Variants in RASSF9 observed in about 807,000 individuals in gnomAD.
RASSF9 encodes ras association domain-containing protein 9.
A neutral mutation model predicts 21.4 loss-of-function variants in RASSF9; 18 were observed. The ratio of observed to expected loss-of-function variants is 0.84; its 90% CI spans 0.58 to 1.25. The LOEUF is 1.25. Among genes scored for constraint, RASSF9 ranks in the 50% most tolerant of loss-of-function variants. The probability of loss-of-function intolerance (pLI) is 0.00; values close to 1 mark genes in which losing one functional copy is unlikely to be tolerated. For missense variants in RASSF9, 480 were observed against 503.2 expected (o/e 0.95, Z 0.44); for synonymous variants, 183 against 179.1 (o/e 1.02, Z -0.18).
chr12:85,814,459 G>A (rs1163787100), intron 1 of RASSF9, among the ~76,000 whole-genome samples: 8 of 151,990 alleles, frequency 5.3e-5, no homozygotes, highest in African/African-American at 1.9e-4. Context: ...TAGTGGCACT[G>A]CTGAAAAGCC....
chr12:85,817,860 C>T (rs1263120273), intron 1 of RASSF9, among the ~76,000 whole-genome samples: 1 of 152,028 alleles, frequency 6.6e-6, no homozygotes, highest in East Asian at 1.9e-4. Context: ...TACAAATGTA[C>T]TATACAATTT....
chr12:85,818,961 A>G (rs982599076), intron 1 of RASSF9, among the ~76,000 whole-genome samples: 1 of 147,692 alleles, frequency 6.8e-6, no homozygotes, highest in Non-Finnish European at 1.5e-5. Flanking sequence ...TCCGTCAAAA[A>G]AAAAAAAAAA....
chr12:85,808,315 G>A (rs985758722), intron 1 of RASSF9, among the ~76,000 whole-genome samples: 6 of 152,058 alleles, frequency 3.9e-5, no homozygotes, highest in Non-Finnish European at 7.4e-5. Flanking sequence ...TATTCACATG[G>A]AGGAAGTAAA....
At chr12:85,821,770 CTA>C (rs1294073160) in intron 1 of RASSF9, among the ~76,000 whole-genome samples, 10 of 151,978 alleles carry the variant, frequency 6.6e-5, no homozygotes, top group Non-Finnish European at 1.0e-4. Flanking sequence ...AAGAAAAACC[CTA>C]GACATTCCAT....
rs73381581 is a variant in RASSF9, at chr12:85,804,501, T to C, written c.*201A>G. 3.0e-5 allele frequency: 15 copies of C among 505,698 alleles called. No individual in the cohort carries two copies. Among genetic ancestry groups the C allele is most frequent in the Non-Finnish European group, 4.4e-5 (13 of 296,522 alleles). 31.3% of individuals were successfully genotyped at this position (505,698 alleles called of 1,614,324 possible). ...CTATTTGTGCTGCATTCGTGATAAA[T>C]AGTTCATTGCTTGAACTTGCAATAA... On this transcript the variant is annotated 3_prime_UTR_variant, in exon 2 of 2. Coordinates refer to ENST00000361228, the MANE Select transcript of RASSF9 (RefSeq NM_005447.4).
At chr12:85,836,099 C>T in intron 1 of RASSF9, 56 bp downstream of exon 1, 1 of 1,548,960 alleles carries the variant, frequency 6.5e-7, no homozygotes. Flanking sequence ...AGTACACACA[C>T]AAGACACACA....
Position 85,810,548 on chromosome 12 carries a change from TTAAA to T in RASSF9, c.48-4590_48-4587del, listed in dbSNP as rs796997904. Reference sequence around the variant, plus strand: ...TCAAAATTAAACCAGTTTAGAAATCTTAAATAATCATTACTTTATAGACATAAAC... The same window carrying T: ...TCAAAATTAAACCAGTTTAGAAATCTTAATCATTACTTTATAGACATAAAC... On this transcript the variant is annotated intron_variant, in intron 1 of 1. Coordinates refer to ENST00000361228, the MANE Select transcript of RASSF9 (RefSeq NM_005447.4). Among the ~76,000 whole-genome samples, 16 of 152,100 alleles carry T rather than the reference TTAAA, an allele frequency of 1.1e-4. 1 individual carries two copies. Among genetic ancestry groups the T allele is most frequent in the African/African-American group, 3.4e-4 (14 of 41,554 alleles).
intron 1 of RASSF9, among the ~76,000 whole-genome samples, chr12:85,825,771 T>C (rs1880319898): frequency 6.9e-6 from 1 of 143,930 alleles, no homozygotes; most frequent in Non-Finnish European, 1.5e-5. Context: ...AAGGTAAAAA[T>C]AATGTGATCT....
intron 1 of RASSF9, among the ~76,000 whole-genome samples, chr12:85,812,567 G>T (rs1419869947): frequency 6.6e-6 from 1 of 150,940 alleles, no homozygotes; most frequent in Admixed American, 6.6e-5. Flanking sequence ...TTTACTATCA[G>T]ATTTTAAAAA....
intron 1 of RASSF9, among the ~76,000 whole-genome samples, chr12:85,809,342 C>T (rs1036568522): frequency 6.6e-6 from 1 of 152,028 alleles, no homozygotes. Context: ...CCACAGTGCC[C>T]CATTAGAGCA....
intron 1 of RASSF9, among the ~76,000 whole-genome samples, chr12:85,815,288 T>C (rs1028677826): frequency 6.6e-6 from 1 of 152,072 alleles, no homozygotes; most frequent in Non-Finnish European, 1.5e-5. Context: ...AAACTGAATA[T>C]AATATTTTGC....
chr12:85,826,352 G>A (rs1187784396), intron 1 of RASSF9, among the ~76,000 whole-genome samples: 1 of 151,846 alleles, frequency 6.6e-6, no homozygotes, highest in African/African-American at 2.4e-5. Context: ...CCGCCTCCAT[G>A]GTGACTCTTG....
chr12:85,824,822 C>T (rs923594798), intron 1 of RASSF9, among the ~76,000 whole-genome samples: 7 of 152,278 alleles, frequency 4.6e-5, no homozygotes, highest in Admixed American at 6.5e-5. Context: ...GCATCTGCCA[C>T]GCTTTTATTT....
chr12:85,805,345 C>A lies in RASSF9; in HGVS notation c.665G>T (p.Arg222Leu), dbSNP rs761794175. The change falls in exon 2 of 2, where the codon CGA becomes CTA. Residue 222 changes from arginine (R) to leucine (L), a missense_variant. Coordinates refer to ENST00000361228, the MANE Select transcript of RASSF9 (RefSeq NM_005447.4). ...ATAGTTTTCTCCATCATTTTCTACT[C>A]GATCAAGATGGAACTTAGCTTCACA... Reference protein sequence around the residue: ...EKCEAKFHLDRVENDGENYVQ... With the variant: ...EKCEAKFHLDLVENDGENYVQ... The A allele has an allele frequency of 6.2e-7, 1 of 1,613,472 alleles. No homozygotes were observed. Among genetic ancestry groups the A allele is most frequent in the South Asian group, 1.1e-5 (1 of 91,066 alleles).
rs560187497 is a variant in RASSF9 at position 85,826,447 on chromosome 12, ATT to A, written c.47+9706_47+9707del. Among the ~76,000 whole-genome samples the A allele has an allele frequency of 6.3e-3, 817 of 130,594 alleles. 4 individuals are homozygous for A. The highest frequency in any genetic ancestry group is 0.032 in the Middle Eastern group (8 of 250). 85.7% of individuals were successfully genotyped at this position (130,594 alleles called of 152,430 possible). On this transcript the variant is annotated intron_variant, in intron 1 of 1. Coordinates refer to ENST00000361228, the MANE Select transcript of RASSF9 (RefSeq NM_005447.4). The stretch of plus-strand genomic sequence containing the variant: ...GTATTCTTTCTCCATTCCTTCCAAT[ATT>A]TTTTTTTTTTTTTTTTGAGGCAGAA...
intron 1 of RASSF9, among the ~76,000 whole-genome samples, chr12:85,818,847 T>G: frequency 6.6e-6 from 1 of 150,856 alleles, no homozygotes; most frequent in Non-Finnish European, 1.5e-5. Flanking sequence ...TAGTCCCAGC[T>G]ACTCTGGAGG....
At chr12:85,808,823 AT>A (rs1200697904) in intron 1 of RASSF9, among the ~76,000 whole-genome samples, 1 of 152,074 alleles carries the variant, frequency 6.6e-6, no homozygotes, top group Non-Finnish European at 1.5e-5. Context: ...AATGGTAAAA[AT>A]AAAATTAAAT....
intron 1 of RASSF9, among the ~76,000 whole-genome samples, chr12:85,816,847 ACT>A (rs1478816004): frequency 6.6e-6 from 1 of 152,180 alleles, no homozygotes; most frequent in Non-Finnish European, 1.5e-5. Flanking sequence ...CAAATAAGTT[ACT>A]GAGTCTTATG....
intron 1 of RASSF9, among the ~76,000 whole-genome samples, chr12:85,822,980 C>A (rs1880248767): frequency 6.6e-6 from 1 of 152,106 alleles, no homozygotes; most frequent in Admixed American, 6.5e-5. Flanking sequence ...GCGGGCGGAT[C>A]ACGAGGTCAG....
Sources: allele counts gnomAD v4.1 joint callset (sites outside exome capture counted in the v4.1 genomes callset), GRCh38; gene constraint gnomAD v4.1.1; transcripts MANE v1.5; gene names NCBI Gene and HGNC (gene_info 2026-07-23, HGNC 2026-07-21).